Variants in CASTOR2 observed in about 807,000 individuals in gnomAD.
CASTOR2 encodes the protein cytosolic arginine sensor for mTORC1 subunit 2.
In CASTOR2, 8 loss-of-function variants were observed where a neutral mutation model predicts 31.2. That is an observed-to-expected ratio of 0.26 (90% CI 0.15 to 0.46). The LOEUF (loss-of-function observed/expected upper bound fraction) is 0.46. Among genes scored for constraint, CASTOR2 ranks in the 20% least tolerant of loss-of-function variants. CASTOR2 has a pLI of 0.99. For synonymous variants in CASTOR2, 162 were observed against 158.7 expected, an observed-to-expected ratio of 1.02 and a Z score of -0.16; for missense variants, 216 against 382.1, an observed-to-expected ratio of 0.57 and a Z score of 3.62.
intron 1 of CASTOR2, among the ~76,000 whole-genome samples, chr7:74,987,787 C>T (rs1804107489): frequency 6.6e-6 from 1 of 152,050 alleles, no homozygotes; most frequent in South Asian, 2.1e-4. Flanking sequence ...CGGCTCACTG[C>T]AACCTCCACC....
At chr7:75,004,463 T>TC (rs1804564745) in intron 1 of CASTOR2, among the ~76,000 whole-genome samples, 1 of 147,246 alleles carries the variant, frequency 6.8e-6, no homozygotes, top group South Asian at 2.2e-4. Context: ...TTTTTTTTTT[T>TC]TTTCCCCCCG....
intron 1 of CASTOR2, among the ~76,000 whole-genome samples, chr7:75,007,111 C>T (rs587612021): frequency 1.3e-5 from 2 of 152,230 alleles, no homozygotes; most frequent in East Asian, 3.9e-4. Context: ...TCTGCCTGTG[C>T]ACACTTGGAC....
In CASTOR2 at chr7:75,018,042, C is replaced by G; in HGVS notation, c.431C>G (p.Thr144Ser). ...ACCCACACATTGTCATCAGAGTTCA[C>G]CATCCTGCGGGTCGTCAATGGCGAG... ...FVTHTLSSEF[T>S]ILRVVNGETV... is the part of the protein sequence containing the mutation. The change falls in exon 4 of 9, where the codon ACC becomes AGC. Residue 144 changes from threonine (T) to serine (S), a missense_variant. Physicochemically the swap from Thr to Ser is moderately conservative, Grantham distance 58. Around this residue, in one of 5 missense-constraint regions of CASTOR2, gnomAD observed 114 missense variants for 194.2 expected, o/e 0.59. Transcript: ENST00000616305. The G allele has an allele frequency of 1.2e-6, 2 of 1,614,244 alleles. No individual in the cohort carries two copies. Among genetic ancestry groups the G allele is most frequent in the South Asian group, 2.2e-5 (2 of 91,088 alleles).
rs1805087398 is a variant in CASTOR2 at position 75,024,946 on chromosome 7, C to G, written c.*247C>G. 4 of 873,200 alleles carry G rather than the reference C, an allele frequency of 4.6e-6. No individual in the cohort carries two copies. The East Asian group carries it at 1.1e-4, about 23-fold the overall frequency. 54.1% of individuals were successfully genotyped at this position (873,200 alleles called of 1,614,324 possible). A position where few individuals can be genotyped will look rare whatever the true frequency, so the allele number is the denominator to read the frequency against. ...AACGACCTTTCTCTTCCCTACCTCC[C>G]CCACCCCGGAAAATGCTTTCGGAGG... On this transcript the variant is annotated 3_prime_UTR_variant, in exon 9 of 9. Transcript: ENST00000616305.
At chr7:74,998,388 G>A (rs2131937641) in intron 1 of CASTOR2, among the ~76,000 whole-genome samples, 1 of 152,252 alleles carries the variant, frequency 6.6e-6, no homozygotes. Flanking sequence ...TGGATCACCT[G>A]AGGTCAGGGG....
Position 75,017,924 on chromosome 7 carries a change from T to C in CASTOR2, c.379-66T>C, listed in dbSNP as rs1209790785. The C allele has an allele frequency of 1.9e-6, 3 of 1,613,164 alleles. No homozygotes were observed. The Admixed American group carries it at 5.0e-5, about 27-fold the overall frequency. On this transcript the variant is annotated intron_variant, in intron 3 of 8. Coordinates refer to ENST00000616305, the MANE Select transcript of CASTOR2 (RefSeq NM_001145064.3). Reference sequence around the variant, plus strand: ...GGGGGCAGAGTCTCAGGGTGAGAGGTCGGTGCCCCAGACCCACATCCCCCA... The same window carrying C: ...GGGGGCAGAGTCTCAGGGTGAGAGGCCGGTGCCCCAGACCCACATCCCCCA...
chr7:75,023,747 C>G (rs1805062387), intron 7 of CASTOR2, among the ~76,000 whole-genome samples: 1 of 152,094 alleles, frequency 6.6e-6, no homozygotes, highest in Non-Finnish European at 1.5e-5. Context: ...GCCAAGGTGC[C>G]ACACTTTTAA....
rs1159320394 is a variant in CASTOR2, at chr7:75,026,679, A to C, written c.*1980A>C. Among the ~76,000 whole-genome samples the C allele has an allele frequency of 7.9e-5, 12 of 151,938 alleles. No individual in the cohort carries two copies. The highest frequency in any genetic ancestry group is 2.7e-4 in the African/African-American group (11 of 41,436). On this transcript the variant is annotated 3_prime_UTR_variant, in exon 9 of 9. Coordinates refer to ENST00000616305, the MANE Select transcript of CASTOR2 (RefSeq NM_001145064.3). ...AAACCAACTTTTTTTTTTTTAAGTT[A>C]ATTTGTTTTGCACAAAACTCCAGAA...
In CASTOR2 at chr7:75,020,801, T is replaced by C. The variant is rs1442529279; in HGVS notation, c.746+652T>C. The stretch of plus-strand genomic sequence containing the variant: ...ACCGCAACCAGCCTGATTTTTTTTA[T>C]TTTTATTTTTGTTGAGACAGGATCT... On this transcript the variant is annotated intron_variant, in intron 6 of 8. Coordinates refer to ENST00000616305, the MANE Select transcript of CASTOR2 (RefSeq NM_001145064.3). Among the ~76,000 whole-genome samples the C allele has an allele frequency of 1.1e-4, 16 of 151,622 alleles. No homozygotes were observed. In the East Asian group the frequency reaches 3.1e-3, roughly 30 times the overall value.
chr7:75,008,535 CGTT>C (rs1804655186), intron 2 of CASTOR2, among the ~76,000 whole-genome samples: 6 of 151,504 alleles, frequency 4.0e-5, no homozygotes, highest in Admixed American at 3.3e-4. Context: ...TCTACTAAAA[CGTT>C]ACTTTAAATT....
Position 75,017,723 on chromosome 7 carries a change from A to G in CASTOR2, c.310A>G (p.Ile104Val). The G allele has an allele frequency of 6.2e-7, 1 of 1,614,030 alleles. No homozygotes were observed. The highest frequency in any genetic ancestry group is 8.5e-7 in the Non-Finnish European group (1 of 1,179,878). Residue 104 changes from isoleucine (I) to valine (V), a missense_variant, in exon 3 of 9, where the codon ATC becomes GTC. Ile to Val is a conservative substitution (Grantham distance 29). Transcript: ENST00000616305. ...IGVTKIAKSV[I>V]APLADQNISV... ...CGTGACCAAGATCGCCAAGTCAGTC[A>G]TCGCCCCACTGGCTGACCAGAACAT...
At chr7:74,995,159 CG>C (rs1804310792) in intron 1 of CASTOR2, among the ~76,000 whole-genome samples, 1 of 151,690 alleles carries the variant, frequency 6.6e-6, no homozygotes, top group Non-Finnish European at 1.5e-5. Context: ...GGCAGGGGGT[CG>C]GGGTAAGGAG....
At chr7:75,020,736 G>A (rs970016227) in intron 6 of CASTOR2, among the ~76,000 whole-genome samples, 26 of 152,036 alleles carry the variant, frequency 1.7e-4, no homozygotes, top group African/African-American at 4.8e-4. Flanking sequence ...TGATCTGCCC[G>A]CCCCGGCCTC....
At chr7:74,985,798 C>T (rs1437436059) in intron 1 of CASTOR2, among the ~76,000 whole-genome samples, 1 of 151,984 alleles carries the variant, frequency 6.6e-6, no homozygotes, top group South Asian at 2.1e-4. Context: ...AGCCCAGCAC[C>T]GCATCTACCA....
intron 1 of CASTOR2, among the ~76,000 whole-genome samples, chr7:74,992,098 T>C (rs1804225340): frequency 1.3e-5 from 2 of 151,508 alleles, no homozygotes; most frequent in South Asian, 4.2e-4. Context: ...GCATGGTGAA[T>C]CGAGTGGCAC....
At chr7:75,012,442 A>G (rs1804772950) in intron 2 of CASTOR2, among the ~76,000 whole-genome samples, 4 of 151,116 alleles carry the variant, frequency 2.6e-5, no homozygotes, top group Non-Finnish European at 4.4e-5. Context: ...AGCTGGGATT[A>G]CAGGCATGCA....
rs1805085023 is a variant in CASTOR2 at position 75,024,867 on chromosome 7, G to A, written c.*168G>A. On this transcript the variant is annotated 3_prime_UTR_variant, in exon 9 of 9. Coordinates refer to ENST00000616305, the MANE Select transcript of CASTOR2 (RefSeq NM_001145064.3). ...CAATCCCTCCAGGGCAGGGGCCCAC[G>A]CCAAGGCCTCTCCATGCCCTCCTGC... 7 of 1,506,624 alleles carry A rather than the reference G, an allele frequency of 4.6e-6. No homozygotes were observed. Among genetic ancestry groups the A allele is most frequent in the East Asian group, 4.9e-5 (2 of 40,674 alleles). 93.3% of individuals were successfully genotyped at this position (1,506,624 alleles called of 1,614,324 possible).
chr7:75,029,614 G>A lies in CASTOR2; in HGVS notation c.*4915G>A, dbSNP rs916545488. Among the ~76,000 whole-genome samples the A allele has an allele frequency of 5.9e-5, 9 of 152,244 alleles. No individual in the cohort carries two copies. Among genetic ancestry groups the A allele is most frequent in the African/African-American group, 2.2e-4 (9 of 41,548 alleles). ...CCACCTTGGCCTCCCAAAGTGCTGG[G>A]ATTACAGGCATGAGATACCCCGCCT... is the stretch of plus-strand genomic sequence containing the variant. On this transcript the variant is annotated 3_prime_UTR_variant, in exon 9 of 9. Coordinates refer to ENST00000616305, the MANE Select transcript of CASTOR2 (RefSeq NM_001145064.3).
At chr7:74,986,545 G>A (rs1804071637) in intron 1 of CASTOR2, among the ~76,000 whole-genome samples, 1 of 151,618 alleles carries the variant, frequency 6.6e-6, no homozygotes, top group Non-Finnish European at 1.5e-5. Context: ...GCAGGTCTCA[G>A]TGTTGCAGAA....
Sources: allele counts gnomAD v4.1 joint callset (sites outside exome capture counted in the v4.1 genomes callset), GRCh38; gene constraint gnomAD v4.1.1; regional missense constraint gnomAD v4.1.1; transcripts MANE v1.5; gene names NCBI Gene and HGNC (gene_info 2026-07-23, HGNC 2026-07-21).